PCDHA4: variants seen among roughly 807,000 people sequenced by gnomAD.
PCDHA4 encodes protocadherin alpha 4, also known as protocadherin alpha-4.
Under a neutral mutation model 61.4 loss-of-function variants are expected in PCDHA4, and 49 were observed. That is an observed-to-expected ratio of 0.80 (90% CI 0.63 to 1.01). The LOEUF (loss-of-function observed/expected upper bound fraction) is 1.01, where lower values mean the gene tolerates loss of function less well. Ranked by LOEUF, PCDHA4 falls within the 50% of genes least tolerant of loss-of-function variation. The pLI, the probability that PCDHA4 is intolerant of heterozygous loss-of-function variation, is 0.00. For synonymous variants in PCDHA4, 590 were observed against 550.3 expected (o/e 1.07, Z -1.01); for missense variants, 1,254 against 1,235.8 (o/e 1.01, Z -0.22).
intron 1 of PCDHA4, among the ~76,000 whole-genome samples, chr5:140,839,661 T>C (rs1554137540): frequency 1.3e-5 from 2 of 152,120 alleles, no homozygotes; most frequent in African/African-American, 4.8e-5. Context: ...TGTTTGCTAC[T>C]ATTTAGAGTC....
chr5:140,984,981 A>G (rs2097130201), intron 3 of PCDHA4, among the ~76,000 whole-genome samples: 1 of 151,972 alleles, frequency 6.6e-6, no homozygotes, highest in South Asian at 2.1e-4. Flanking sequence ...TCTGTCCCCC[A>G]GGCTGGAGTC....
intron 1 of PCDHA4, chr5:140,875,498 C>A (rs782226561): frequency 1.9e-6 from 3 of 1,613,292 alleles, no homozygotes; most frequent in East Asian, 4.5e-5. Flanking sequence ...CCAAGAGGCC[C>A]GGGATCCCAG....
At chr5:140,932,709 A>G (rs2088560759) in intron 1 of PCDHA4, among the ~76,000 whole-genome samples, 1 of 151,956 alleles carries the variant, frequency 6.6e-6, no homozygotes, top group African/African-American at 2.4e-5. Context: ...TATAGACAAC[A>G]CAATAATATT....
chr5:140,968,719 G>C lies in PCDHA4; in HGVS notation c.2386-10230G>C. The C allele has an allele frequency of 1.9e-6, 3 of 1,614,148 alleles. No homozygotes were observed. Among genetic ancestry groups the C allele is most frequent in the African/African-American group, 1.3e-5 (1 of 75,038 alleles). ...GGACTACCAGGAAGATGGGAGATGA[G>C]AGTGGTAGCACTTTCAACCTGACCG... On this transcript the variant is annotated intron_variant, in intron 1 of 3. Transcript: ENST00000530339.
At chr5:140,823,937 G>A (rs2150130560) in intron 1 of PCDHA4, 19 of 1,613,788 alleles carry the variant, frequency 1.2e-5, no homozygotes, top group Middle Eastern at 1.6e-4. Context: ...ACCGCGCTGC[G>A]GTGCTCGGCG....
In PCDHA4 at chr5:140,856,514, G is replaced by C. The variant is rs781942781; in HGVS notation, c.2385+46942G>C. 1 of 1,598,422 alleles carries C rather than the reference G, an allele frequency of 6.3e-7. No individual in the cohort carries two copies. The highest frequency in any genetic ancestry group is 1.3e-5 in the African/African-American group (1 of 74,442). On this transcript the variant is annotated intron_variant, in intron 1 of 3. Coordinates refer to ENST00000530339, the MANE Select transcript of PCDHA4 (RefSeq NM_018907.4). ...TGACTCTCGATTTCCACTAGAAGGC[G>C]CATCTGATGCGGATGTTGGAGAGAA... is the stretch of plus-strand genomic sequence containing the variant.
chr5:140,856,367 G>C, intron 1 of PCDHA4: 1 of 1,598,612 alleles, frequency 6.3e-7, no homozygotes, highest in Non-Finnish European at 8.6e-7. Context: ...CCACCTGGAG[G>C]TGATCGTGGA....
intron 3 of PCDHA4, among the ~76,000 whole-genome samples, chr5:140,984,755 A>G (rs1554246508): frequency 6.6e-6 from 1 of 152,172 alleles, no homozygotes; most frequent in Admixed American, 6.5e-5. Flanking sequence ...TTTGAGTTGA[A>G]TTCTAATCCC....
rs2150503431 is a variant in PCDHA4, at chr5:140,850,946, T to C, written c.2385+41374T>C. 14 of 1,504,084 alleles carry C rather than the reference T, an allele frequency of 9.3e-6. 3 individuals are homozygous for C. Among genetic ancestry groups the C allele is most frequent in the Non-Finnish European group, 1.3e-5 (14 of 1,119,924 alleles). 93.2% of individuals were successfully genotyped at this position (1,504,084 alleles called of 1,614,324 possible). A position where few individuals can be genotyped will look rare whatever the true frequency, so the allele number is the denominator to read the frequency against. ...TAATTTTTTTTCTTGAAAGATATTA[T>C]CGATTACTCCCAGGGGCCGTTCAAA... On this transcript the variant is annotated intron_variant, in intron 1 of 3. Coordinates refer to ENST00000530339, the MANE Select transcript of PCDHA4 (RefSeq NM_018907.4).
rs544791644 is a variant in PCDHA4, at chr5:140,937,295, C to G, written c.2386-41654C>G. Among the ~76,000 whole-genome samples the G allele has an allele frequency of 1.0e-3, 157 of 152,202 alleles. 1 individual carries two copies. Among genetic ancestry groups the G allele is most frequent in the Admixed American group, 4.7e-3 (72 of 15,286 alleles). On this transcript the variant is annotated intron_variant, in intron 1 of 3. Transcript: ENST00000530339. ...CTCGTGATTCACCCGCTTCGGCCTC[C>G]CAAAGTGCTGGGATTACAGGCGTGA...
rs960845779 is a variant in PCDHA4, at chr5:140,852,795, A to G, written c.2385+43223A>G. 2.0e-5 allele frequency: 20 copies of G among 977,252 alleles called. 2 individuals are homozygous for G. In the African/African-American group the frequency reaches 2.8e-4, roughly 14 times the overall value. 60.5% of individuals were successfully genotyped at this position (977,252 alleles called of 1,614,324 possible). A position where few individuals can be genotyped will look rare whatever the true frequency, so the allele number is the denominator to read the frequency against. ...TGATGTGAATAGAGGGATGCTACAG[A>G]TGTCATTTGTCTCCCGCCCTAAGTC... On this transcript the variant is annotated intron_variant, in intron 1 of 3. Coordinates refer to ENST00000530339, the MANE Select transcript of PCDHA4 (RefSeq NM_018907.4).
intron 2 of PCDHA4, among the ~76,000 whole-genome samples, chr5:140,981,175 T>C (rs1350828084): frequency 6.6e-6 from 1 of 152,238 alleles, no homozygotes; most frequent in African/African-American, 2.4e-5. Context: ...TTCCCTCTAA[T>C]AGTTCAAGTT....
chr5:140,868,199 A>G (rs1367327575), intron 1 of PCDHA4: 2 of 152,150 alleles, frequency 1.3e-5, no homozygotes, highest in East Asian at 1.9e-4. Flanking sequence ...TATGGCTTAC[A>G]TTAGAAATAA....
rs553859456 is a variant in PCDHA4 at position 140,938,056 on chromosome 5, A to G, written c.2386-40893A>G. Among the ~76,000 whole-genome samples, 1,107 of 152,294 alleles carry G rather than the reference A, an allele frequency of 7.3e-3. 4 individuals carry two copies. Among genetic ancestry groups the G allele is most frequent in the Admixed American group, 0.012 (189 of 15,304 alleles). ...TTTATATTTTGGGTTTTCTACATATACTGTCATGCTATTCCCAAATAATGT... is the reference window on the plus strand; with the variant it reads ...TTTATATTTTGGGTTTTCTACATATGCTGTCATGCTATTCCCAAATAATGT... On this transcript the variant is annotated intron_variant, in intron 1 of 3. Coordinates refer to ENST00000530339, the MANE Select transcript of PCDHA4 (RefSeq NM_018907.4).
At chr5:140,944,197 T>C (rs1404957342) in intron 1 of PCDHA4, among the ~76,000 whole-genome samples, 2 of 152,120 alleles carry the variant, frequency 1.3e-5, no homozygotes, top group Non-Finnish European at 2.9e-5. Context: ...TTTTGTTTTG[T>C]TTTGTTTTTA....
chr5:140,863,392 C>A (rs782692076), intron 1 of PCDHA4: 3 of 921,584 alleles, frequency 3.3e-6, no homozygotes, highest in Non-Finnish European at 3.4e-6. Context: ...CTCGTGCATG[C>A]CGGGCAAGCC....
At chr5:140,848,137 T>G in intron 1 of PCDHA4, 1 of 195,782 alleles carries the variant, frequency 5.1e-6, no homozygotes, top group Non-Finnish European at 1.1e-5. Context: ...ATACAAAACT[T>G]TTAGAGGCAG....
At chr5:140,883,888 T>C (rs781919107) in intron 1 of PCDHA4, 12 of 1,612,946 alleles carry the variant, frequency 7.4e-6, no homozygotes, top group African/African-American at 5.4e-5. Flanking sequence ...CGCGCGACTC[T>C]GGCGTGCCGC....
chr5:140,810,369 A>G (rs1393479569), intron 1 of PCDHA4: 1 of 152,214 alleles, frequency 6.6e-6, no homozygotes, highest in East Asian at 1.9e-4. Flanking sequence ...TTTGTGGGTC[A>G]CAGAATATGT....
Sources: gnomAD v4.1 joint callset for allele counts (sites outside exome capture counted in the v4.1 genomes callset) on GRCh38, gnomAD v4.1.1 for gene constraint, MANE v1.5 for transcripts, NCBI Gene and HGNC (gene_info 2026-07-23, HGNC 2026-07-21) for gene names.